Variants in COLEC12 observed in about 807,000 individuals in gnomAD.
The protein encoded by COLEC12 is collectin subfamily member 12.
A neutral mutation model predicts 71.1 loss-of-function variants in COLEC12; 33 were observed. The ratio of observed to expected loss-of-function variants is 0.46; its 90% CI spans 0.35 to 0.62. The LOEUF is 0.62. Ranked by LOEUF, COLEC12 falls within the 20% of genes least tolerant of loss-of-function variation. The probability of loss-of-function intolerance (pLI) is 0.00; values close to 1 mark genes in which losing one functional copy is unlikely to be tolerated. For missense variants in COLEC12, 765 were observed against 916.1 expected (o/e 0.84, Z 2.13); for synonymous variants, 350 against 353.0 (o/e 0.99, Z 0.10).
At chr18:466,321 G>A (rs1162905889) in intron 2 of COLEC12, among the ~76,000 whole-genome samples, 3 of 152,180 alleles carry the variant, frequency 2.0e-5, no homozygotes, top group Non-Finnish European at 2.9e-5. Context: ...GACCTTCAGA[G>A]CAGTTACGTG....
intron 2 of COLEC12, among the ~76,000 whole-genome samples, chr18:384,932 A>G (rs961055128): frequency 4.6e-5 from 7 of 152,238 alleles, no homozygotes; most frequent in African/African-American, 1.7e-4. Context: ...CCATATCACC[A>G]TACAGTTCAT....
chr18:381,763 C>T (rs901640576), intron 2 of COLEC12, among the ~76,000 whole-genome samples: 1 of 152,214 alleles, frequency 6.6e-6, no homozygotes, highest in Non-Finnish European at 1.5e-5. Context: ...GTATAAATCA[C>T]GGGGCATCAT....
chr18:383,154 C>T (rs1598346125), intron 2 of COLEC12, among the ~76,000 whole-genome samples: 1 of 152,114 alleles, frequency 6.6e-6, no homozygotes, highest in East Asian at 1.9e-4. Flanking sequence ...TTGTGGCATA[C>T]CCAACCCATA....
In COLEC12 at chr18:412,356, A is replaced by T. The variant is rs760635829; in HGVS notation, c.59-54834T>A. 1.3e-4 allele frequency among the ~76,000 whole-genome samples: 20 copies of T among 152,142 alleles called. 1 individual carries two copies. The highest frequency in any genetic ancestry group is 7.9e-4 in the Admixed American group (12 of 15,282). ...AAAAAAACTGATAACCCAGAGTCCT[A>T]TATCCAGCAAAAATATCCTTCAGAA... On this transcript the variant is annotated intron_variant, in intron 2 of 9. Coordinates refer to ENST00000400256, the MANE Select transcript of COLEC12 (RefSeq NM_130386.3).
chr18:485,830 T>C (rs1042921036), intron 1 of COLEC12, among the ~76,000 whole-genome samples: 1 of 152,270 alleles, frequency 6.6e-6, no homozygotes, highest in Non-Finnish European at 1.5e-5. Context: ...CATTCTTGTA[T>C]GCTCCCTTGT....
At chr18:375,839 G>A (rs1474999594) in intron 2 of COLEC12, among the ~76,000 whole-genome samples, 1 of 152,202 alleles carries the variant, frequency 6.6e-6, no homozygotes, top group East Asian at 1.9e-4. Context: ...GCCTCATAAA[G>A]TCGTTGAGGA....
intron 2 of COLEC12, among the ~76,000 whole-genome samples, chr18:407,610 T>C (rs566384152): frequency 3.3e-5 from 5 of 152,210 alleles, no homozygotes; most frequent in African/African-American, 9.7e-5. Flanking sequence ...AGGTCATCAG[T>C]TGACAGAATG....
intron 2 of COLEC12, among the ~76,000 whole-genome samples, chr18:376,894 C>T (rs1308339106): frequency 1.3e-5 from 2 of 152,200 alleles, no homozygotes; most frequent in African/African-American, 2.4e-5. Context: ...CCTCAGAGCT[C>T]TCCTGAGATA....
chr18:461,443 G>A (rs1211894593), intron 2 of COLEC12, among the ~76,000 whole-genome samples: 1 of 152,164 alleles, frequency 6.6e-6, no homozygotes, highest in South Asian at 2.1e-4. Flanking sequence ...CTGGAAGGCA[G>A]TGGCCTGATC....
chr18:368,738 C>T (rs907128043), intron 2 of COLEC12, among the ~76,000 whole-genome samples: 15 of 151,732 alleles, frequency 9.9e-5, no homozygotes, highest in South Asian at 4.2e-4. Context: ...TGGTGGCGGG[C>T]GCCTGTAGTC....
At chr18:340,369 C>T (rs1172983532) in intron 5 of COLEC12, among the ~76,000 whole-genome samples, 1 of 152,160 alleles carries the variant, frequency 6.6e-6, no homozygotes, top group African/African-American at 2.4e-5. Flanking sequence ...CTCCAAGCAG[C>T]CCGGGGTTTG....
At chr18:430,718 T>C (rs1916286535) in intron 2 of COLEC12, among the ~76,000 whole-genome samples, 1 of 152,218 alleles carries the variant, frequency 6.6e-6, no homozygotes, top group Non-Finnish European at 1.5e-5. Flanking sequence ...GACATCCAGC[T>C]GAAATACTGT....
At chr18:398,328 T>C (rs79808331) in intron 2 of COLEC12, among the ~76,000 whole-genome samples, 7,822 of 152,268 alleles carry the variant, frequency 0.051, 272 homozygotes, top group East Asian at 0.18. Context: ...AATTTCTAGT[T>C]TCAGAAGAAT....
At chr18:438,796 T>C (rs2143689318) in intron 2 of COLEC12, among the ~76,000 whole-genome samples, 1 of 113,668 alleles carries the variant, frequency 8.8e-6, no homozygotes, top group South Asian at 3.9e-4. Context: ...GAATAAGACC[T>C]TGTCTCAAAA....
chr18:416,124 T>C (rs1408516964), intron 2 of COLEC12, among the ~76,000 whole-genome samples: 1 of 152,220 alleles, frequency 6.6e-6, no homozygotes, highest in African/African-American at 2.4e-5. Context: ...TTTGTCTAGA[T>C]TCTCCAGTTC....
intron 1 of COLEC12, among the ~76,000 whole-genome samples, chr18:490,668 C>G (rs1917603945): frequency 1.3e-5 from 2 of 152,156 alleles, no homozygotes; most frequent in Non-Finnish European, 2.9e-5. Context: ...AACAGATAAC[C>G]AGCACTGATA....
chr18:446,441 C>T (rs2621184), intron 2 of COLEC12, among the ~76,000 whole-genome samples: 142,724 of 151,596 alleles, frequency 0.94, 67,263 homozygotes, highest in East Asian at 1. Context: ...GTGTCTCATA[C>T]CTGTAATCCC....
At chr18:483,523 T>C (rs1917464289) in intron 1 of COLEC12, among the ~76,000 whole-genome samples, 1 of 152,324 alleles carries the variant, frequency 6.6e-6, no homozygotes, top group Non-Finnish European at 1.5e-5. Context: ...GATCTTGGTT[T>C]GGAATCTAGA....
At chr18:455,701 T>C (rs1392132775) in intron 2 of COLEC12, among the ~76,000 whole-genome samples, 1 of 150,008 alleles carries the variant, frequency 6.7e-6, no homozygotes, top group East Asian at 2.0e-4. Flanking sequence ...CCTGTGTCCA[T>C]GTGTTCTCAT....
Sources: allele counts gnomAD v4.1 joint callset (sites outside exome capture counted in the v4.1 genomes callset), GRCh38; gene constraint gnomAD v4.1.1; transcripts MANE v1.5; gene names NCBI Gene and HGNC (gene_info 2026-07-23, HGNC 2026-07-21).